The following SLC22A3 variants were observed in gnomAD, a reference collection of about 807,000 sequenced individuals.
The protein encoded by SLC22A3 is EMT organic cation transporter 3.
SLC22A3 carries 51 observed loss-of-function variants against 59.1 expected under a neutral mutation model. That is an observed-to-expected ratio of 0.86 (90% confidence interval 0.69 to 1.09). The LOEUF (loss-of-function observed/expected upper bound fraction) is 1.09, where lower values mean the gene tolerates loss of function less well. Ranked by LOEUF, SLC22A3 falls within the 50% of genes least tolerant of loss-of-function variation. The probability of loss-of-function intolerance (pLI) is 0.00; values close to 1 mark genes in which losing one functional copy is unlikely to be tolerated. For missense variants in SLC22A3, 711 were observed against 726.3 expected, an observed-to-expected ratio of 0.98 and a Z score of 0.24; for synonymous variants, 325 against 292.0, an observed-to-expected ratio of 1.11 and a Z score of -1.15.
At chr6:160,441,025 G>A (rs1382036402) in intron 7 of SLC22A3, among the ~76,000 whole-genome samples, 1 of 151,894 alleles carries the variant, frequency 6.6e-6, no homozygotes, top group East Asian at 1.9e-4. Flanking sequence ...ACCTTGCCTC[G>A]GTTATAAACC....
At position 160,437,304 on chromosome 6, in the gene SLC22A3, G is replaced by C. The variant is rs1020637472; in HGVS notation, c.1288+93G>C. The C allele has an allele frequency of 2.4e-6, 3 of 1,271,396 alleles. No individual in the cohort carries two copies. In the African/African-American group the frequency reaches 4.4e-5, roughly 18 times the overall value. The allele number at this position is 1,271,396 out of a possible 1,614,324, so 78.8% of individuals were successfully genotyped here. A position where few individuals can be genotyped will look rare whatever the true frequency, so the allele number is the denominator to read the frequency against. Reference sequence around the variant, plus strand: ...AGGGAGCCACTTGTTCTTAGGAAATGTGCAATGGAATCACAGTCTTTCGTG... The same window carrying C: ...AGGGAGCCACTTGTTCTTAGGAAATCTGCAATGGAATCACAGTCTTTCGTG... On this transcript the variant is annotated intron_variant, in intron 7 of 10. Transcript: ENST00000275300.
chr6:160,425,913 C>A, intron 5 of SLC22A3: 1 of 985,420 alleles, frequency 1.0e-6, no homozygotes, highest in Non-Finnish European at 1.2e-6. Flanking sequence ...CAACAACATT[C>A]AGGATTGGAA....
intron 5 of SLC22A3, among the ~76,000 whole-genome samples, chr6:160,411,059 G>C (rs1277334902): frequency 9.9e-5 from 15 of 151,482 alleles, no homozygotes; most frequent in Admixed American, 9.9e-4. Flanking sequence ...AAAAATCTAG[G>C]GAAAAATCAT....
intron 2 of SLC22A3, among the ~76,000 whole-genome samples, chr6:160,400,666 A>G (rs1473718284): frequency 6.6e-6 from 1 of 151,984 alleles, no homozygotes; most frequent in Non-Finnish European, 1.5e-5. Context: ...ACACACACAC[A>G]CACACACACA....
chr6:160,357,698 G>C (rs1784889029), intron 1 of SLC22A3, among the ~76,000 whole-genome samples: 2 of 152,304 alleles, frequency 1.3e-5, no homozygotes, highest in Admixed American at 1.3e-4. Context: ...AATACCCATA[G>C]AGAAGTCACC....
intron 5 of SLC22A3, chr6:160,425,751 ATTAAT>A (rs1370084313): frequency 4.1e-5 from 37 of 900,402 alleles, no homozygotes; most frequent in Non-Finnish European, 4.7e-5. Flanking sequence ...AAGTACAGCT[ATTAAT>A]TATGGAAACT....
At chr6:160,372,804 T>C (rs559829647) in intron 1 of SLC22A3, among the ~76,000 whole-genome samples, 2 of 152,344 alleles carry the variant, frequency 1.3e-5, no homozygotes, top group South Asian at 4.1e-4. Context: ...TTGATACTTG[T>C]GTATGCTTCA....
rs780598060 is a variant in SLC22A3 at position 160,443,661 on chromosome 6, T to C, written c.1429T>C (p.Cys477Arg). ...NFGVSLCSGLCDFGGIIAPFL... is the reference protein window; with the variant it reads ...NFGVSLCSGLRDFGGIIAPFL... ...CGGAGTTTCGCTCTGTTCAGGTCTGTGTGATTTTGGGGGAATCATAGCCCC... is the reference window on the plus strand; with the variant it reads ...CGGAGTTTCGCTCTGTTCAGGTCTGCGTGATTTTGGGGGAATCATAGCCCC... The change falls in exon 9 of 11, where the codon TGT (cysteine) becomes CGT (arginine). Residue 477 changes from cysteine to arginine, a missense_variant. Coordinates refer to ENST00000275300, the MANE Select transcript of SLC22A3 (RefSeq NM_021977.4). 1 of 1,613,906 alleles carries C rather than the reference T, an allele frequency of 6.2e-7. No individual in the cohort carries two copies. The highest frequency in any genetic ancestry group is 2.2e-5 in the East Asian group (1 of 44,866).
At chr6:160,356,143 C>G (rs562605587) in intron 1 of SLC22A3, among the ~76,000 whole-genome samples, 1 of 152,238 alleles carries the variant, frequency 6.6e-6, no homozygotes. Flanking sequence ...GGCCCTCTAC[C>G]GATGGTGTTG....
At chr6:160,389,655 AG>A (rs1400966612) in intron 1 of SLC22A3, among the ~76,000 whole-genome samples, 2 of 152,226 alleles carry the variant, frequency 1.3e-5, no homozygotes, top group Non-Finnish European at 2.9e-5. Context: ...TTGTACTCCC[AG>A]TGTTGATGAT....
intron 1 of SLC22A3, among the ~76,000 whole-genome samples, chr6:160,355,233 A>G (rs534485420): frequency 3.9e-4 from 59 of 152,270 alleles, no homozygotes; most frequent in African/African-American, 1.1e-3. Flanking sequence ...ACAGGTCACG[A>G]GGCTGTGGGC....
chr6:160,387,466 C>T (rs886726356), intron 1 of SLC22A3, among the ~76,000 whole-genome samples: 3 of 152,214 alleles, frequency 2.0e-5, no homozygotes, highest in Non-Finnish European at 4.4e-5. Context: ...CAAGGAAATA[C>T]ATGTAGACCC....
chr6:160,401,488 G>A (rs1786779979), intron 2 of SLC22A3, among the ~76,000 whole-genome samples: 1 of 151,984 alleles, frequency 6.6e-6, no homozygotes, highest in South Asian at 2.1e-4. Context: ...TAAAGACTTT[G>A]TTAGACAAAA....
chr6:160,432,636 C>T (rs990360452), intron 5 of SLC22A3, among the ~76,000 whole-genome samples: 1 of 152,112 alleles, frequency 6.6e-6, no homozygotes, highest in African/African-American at 2.4e-5. Context: ...CCATGTTGGC[C>T]AGGCTGGTCT....
chr6:160,440,964 G>A (rs568473522), intron 7 of SLC22A3, among the ~76,000 whole-genome samples: 1 of 152,242 alleles, frequency 6.6e-6, no homozygotes, highest in South Asian at 2.1e-4. Context: ...TGGAGTGTGT[G>A]TGTGTGTTTT....
intron 1 of SLC22A3, among the ~76,000 whole-genome samples, chr6:160,368,492 C>T (rs893572497): frequency 1.3e-5 from 2 of 152,180 alleles, no homozygotes; most frequent in Non-Finnish European, 2.9e-5. Flanking sequence ...CACGCTTAAA[C>T]CTGCTTAAGT....
Position 160,413,636 on chromosome 6 carries a change from A to G in SLC22A3, c.975+2790A>G, listed in dbSNP as rs138482925. On this transcript the variant is annotated intron_variant, in intron 5 of 10. Transcript: ENST00000275300. ...TTCAGGACACTGCTGAAGGAGGAGC[A>G]AGAACTATTCCTGTGGTTCTTAAAA... 3.0e-3 allele frequency among the ~76,000 whole-genome samples: 458 copies of G among 152,364 alleles called. 1 individual carries two copies. Among genetic ancestry groups the G allele is most frequent in the Non-Finnish European group, 4.9e-3 (333 of 68,034 alleles).
rs753240075 is a variant in SLC22A3 at position 160,436,763 on chromosome 6, C to A, written c.976-17C>A. 29 of 1,535,308 alleles carry A rather than the reference C, an allele frequency of 1.9e-5. No individual in the cohort carries two copies. The highest frequency in any genetic ancestry group is 2.4e-5 in the Non-Finnish European group (27 of 1,110,372). On this transcript the variant is annotated splice_polypyrimidine_tract_variant and intron_variant, in intron 5 of 10. Coordinates refer to ENST00000275300, the MANE Select transcript of SLC22A3 (RefSeq NM_021977.4). ...TTTTTCTGTCTATTGCTACTGAAAT[C>A]TGCTTTTCTTATATAGATCACTGTT... is the stretch of plus-strand genomic sequence containing the variant.
At chr6:160,414,699 T>TTA (rs2114868627) in intron 5 of SLC22A3, among the ~76,000 whole-genome samples, 1 of 152,282 alleles carries the variant, frequency 6.6e-6, no homozygotes, top group South Asian at 2.1e-4. Context: ...GGAAAGCCCC[T>TTA]TATAAAACCA....
Sources: gnomAD v4.1 joint callset for allele counts (sites outside exome capture counted in the v4.1 genomes callset) on GRCh38, gnomAD v4.1.1 for gene constraint, MANE v1.5 for transcripts, NCBI Gene and HGNC (gene_info 2026-07-23, HGNC 2026-07-21) for gene names.